Variants in LMBR1L observed in about 807,000 individuals in gnomAD.
LMBR1L encodes the protein protein LMBR1L.
A neutral mutation model predicts 67.3 loss-of-function variants in LMBR1L; 47 were observed. The ratio of observed to expected loss-of-function variants is 0.70; its 90% CI spans 0.55 to 0.89. The LOEUF (loss-of-function observed/expected upper bound fraction) is 0.89. Among genes scored for constraint, LMBR1L ranks in the 40% least tolerant of loss-of-function variants. The pLI, the probability that LMBR1L is intolerant of heterozygous loss-of-function variation, is 0.00. For synonymous variants in LMBR1L, 247 were observed against 250.3 expected (o/e 0.99, Z 0.13); for missense variants, 533 against 599.2 (o/e 0.89, Z 1.15).
rs138503101 is a variant in LMBR1L, at chr12:49,100,397, G to A, written c.1231C>T (p.Arg411Ter). 10 of 1,612,866 alleles carry A rather than the reference G, an allele frequency of 6.2e-6. No individual in the cohort carries two copies. Among genetic ancestry groups the A allele is most frequent in the East Asian group, 2.2e-5 (1 of 44,900 alleles). Residue 411 changes from arginine (R) to a stop codon, truncating the protein, a stop_gained, in exon 15 of 17, where the codon CGA becomes TGA. Transcript: ENST00000267102. LOFTEE classifies it high-confidence loss of function. ...VLSSALPVFS[R>*]TLGLTRFDLL... is the part of the protein sequence containing the mutation. ...TCCTTTCAATACTTACCCAGGGTTCGAGAGAAGACAGGAAGTGCTGAGCTT... is the reference window on the plus strand; with the variant it reads ...TCCTTTCAATACTTACCCAGGGTTCAAGAGAAGACAGGAAGTGCTGAGCTT...
chr12:49,102,809 T>G (rs1049889311), intron 8 of LMBR1L, 78 bp downstream of exon 8: 1 of 1,353,576 alleles, frequency 7.4e-7, no homozygotes, highest in Non-Finnish European at 1.1e-6. Context: ...TACACAACCA[T>G]AGGGTTGTTT....
At chr12:49,110,074 G>C in intron 1 of LMBR1L, 1 of 467,850 alleles carries the variant, frequency 2.1e-6, no homozygotes, top group South Asian at 1.5e-5. Flanking sequence ...CAAGCTCAGT[G>C]TGACGACGTC....
chr12:49,099,123 A>ATTTTT (rs35643504), intron 15 of LMBR1L, among the ~76,000 whole-genome samples: 104 of 101,960 alleles, frequency 1.0e-3, no homozygotes, highest in Non-Finnish European at 1.5e-3. Context: ...CTCACAGCTG[A>ATTTTT]TTTTTTTTTT....
intron 1 of LMBR1L, chr12:49,109,587 A>T (rs1941304173): frequency 2.4e-6 from 1 of 418,504 alleles, no homozygotes; most frequent in Non-Finnish European, 4.7e-6. Flanking sequence ...TTTCCAAACC[A>T]TTCCCTTTCC....
At position 49,101,459 on chromosome 12, in the gene LMBR1L, G is replaced by A. The variant is rs756278655; in HGVS notation, c.1008+13C>T. 5.0e-6 allele frequency: 8 copies of A among 1,613,526 alleles called. No individual in the cohort carries two copies. In the South Asian group the frequency reaches 8.8e-5, roughly 18 times the overall value. On this transcript the variant is annotated intron_variant, in intron 12 of 16. Transcript: ENST00000267102. ...CCCTCCCCAAAGGATATGGTGGGAG[G>A]GCAGCCTGGTACCTGCATGCCTCGG...
At position 49,102,918 on chromosome 12, in the gene LMBR1L, G is replaced by A. The variant is rs1940394219; in HGVS notation, c.665C>T (p.Ser222Phe). The change falls in exon 8 of 17, where the codon TCC becomes TTC. Residue 222 changes from serine (S) to phenylalanine (F), a missense_variant. Ser to Phe is a radical substitution (Grantham distance 155). This residue lies in a region of LMBR1L where 64 missense variants were observed against 109.0 expected (regional missense o/e 0.59). Coordinates refer to ENST00000267102, the MANE Select transcript of LMBR1L (RefSeq NM_018113.4). ...CTPLGLARMF[S>F]VTGKLLVKPR... ...CTTGACTAGCAGCTTCCCAGTGACG[G>A]AGAACATGCGGGCGAGACCCAGTGG... The A allele has an allele frequency of 1.2e-6, 2 of 1,614,016 alleles. No homozygotes were observed. The highest frequency in any genetic ancestry group is 1.7e-6 in the Non-Finnish European group (2 of 1,180,014).
At chr12:49,097,774 C>T (rs544069213) in intron 16 of LMBR1L, 35 bp from the exon 17 acceptor site, 1 of 1,613,590 alleles carries the variant, frequency 6.2e-7, no homozygotes, top group African/African-American at 1.3e-5. Context: ...AAAAGCAAGT[C>T]AAAGGTCCAG....
chr12:49,097,935 C>G lies in LMBR1L; in HGVS notation c.1402+9G>C. ...CCCCCCACTAGCCTGCACCCTCACT[C>G]CCTCTCACCAAAGGCCCGGATCAGC... On this transcript the variant is annotated intron_variant, in intron 16 of 16. Coordinates refer to ENST00000267102, the MANE Select transcript of LMBR1L (RefSeq NM_018113.4). The G allele has an allele frequency of 1.9e-6, 3 of 1,608,166 alleles. No individual in the cohort carries two copies. The highest frequency in any genetic ancestry group is 2.6e-6 in the Non-Finnish European group (3 of 1,175,338).
rs769427807 is a variant in LMBR1L, at chr12:49,102,255, G to C, written c.853+38C>G. ...TGGAACCAGGGGCTACTCTCCTTGG[G>C]GAAACCCAGGTATCCCAAGCCCTAC... On this transcript the variant is annotated intron_variant, in intron 10 of 16. Coordinates refer to ENST00000267102, the MANE Select transcript of LMBR1L (RefSeq NM_018113.4). 1.7e-5 allele frequency: 28 copies of C among 1,613,396 alleles called. No individual in the cohort carries two copies. The Middle Eastern group carries it at 9.9e-4, about 57-fold the overall frequency.
chr12:49,100,529 G>C, intron 14 of LMBR1L, 27 bp downstream of exon 14: 2 of 1,611,900 alleles, frequency 1.2e-6, no homozygotes, highest in South Asian at 1.1e-5. Context: ...CACCCCCCGG[G>C]AGCTTCCCTT....
At chr12:49,106,556 G>C (rs538161365) in intron 2 of LMBR1L, 5 of 1,311,872 alleles carry the variant, frequency 3.8e-6, no homozygotes, top group Admixed American at 4.6e-5. Context: ...AGGTTCCCCA[G>C]TCATCAGGGA....
At chr12:49,102,829 G>C (rs1228274763) in intron 8 of LMBR1L, 58 bp downstream of exon 8, 1 of 1,498,602 alleles carries the variant, frequency 6.7e-7, no homozygotes, top group Non-Finnish European at 9.3e-7. Context: ...TCATTGTTTG[G>C]TTCCAGCTCT....
rs1479927497 is a variant in LMBR1L, at chr12:49,102,327, C to T, written c.819G>A (p.Gln273=). Residue 273 remains glutamine (Q), a synonymous_variant, in exon 10 of 17, where the codon CAG becomes CAA. Coordinates refer to ENST00000267102, the MANE Select transcript of LMBR1L (RefSeq NM_018113.4). ...LPLDMELLHR[Q]VLALQTQRVL... ...CCCTCTGTGTCTGCAGAGCCAGGACCTGTCTGTGTAGCAGCTCCATGTCTA... is the reference window on the plus strand; with the variant it reads ...CCCTCTGTGTCTGCAGAGCCAGGACTTGTCTGTGTAGCAGCTCCATGTCTA... 15 of 1,614,234 alleles carry T rather than the reference C, an allele frequency of 9.3e-6. No homozygotes were observed. Among genetic ancestry groups the T allele is most frequent in the Non-Finnish European group, 1.3e-5 (15 of 1,180,040 alleles).
intron 4 of LMBR1L, 53 bp downstream of exon 4, chr12:49,104,693 A>G (rs184892759): frequency 3.2e-5 from 52 of 1,609,248 alleles, no homozygotes; most frequent in East Asian, 2.7e-4. Context: ...ACCCAACTCT[A>G]TCTGCTCTCT....
intron 11 of LMBR1L, 176 bp downstream of exon 11, chr12:49,101,944 G>A (rs1250555964): frequency 1.6e-6 from 1 of 607,934 alleles, no homozygotes; most frequent in African/African-American, 1.9e-5. Context: ...TCTACAAAAT[G>A]GGGATTGATG....
chr12:49,106,022 G>T, intron 2 of LMBR1L, 65 bp from the exon 3 acceptor site: 2 of 1,376,182 alleles, frequency 1.5e-6, no homozygotes, highest in Non-Finnish European at 1.0e-6. Context: ...GAGGCCGTTA[G>T]TATTACAATG....
intron 2 of LMBR1L, chr12:49,106,557 T>G (rs1337805534): frequency 7.6e-7 from 1 of 1,312,276 alleles, no homozygotes; most frequent in Non-Finnish European, 1.0e-6. Flanking sequence ...GGTTCCCCAG[T>G]CATCAGGGAG....
intron 11 of LMBR1L, 157 bp from the exon 12 acceptor site, chr12:49,101,706 CAG>C (rs1940213514): frequency 3.3e-6 from 2 of 612,810 alleles, no homozygotes; most frequent in African/African-American, 3.7e-5. Flanking sequence ...CTATTAGCAA[CAG>C]AGTGCCTTTG....
Position 49,102,149 on chromosome 12 carries a change from G to A in LMBR1L, c.901C>T (p.Leu301=). The change falls in exon 11 of 17, where the codon CTG becomes TTG. Residue 301 remains leucine (L), a synonymous_variant. Transcript: ENST00000267102. The part of the protein sequence containing the change: ...SAWQRNLGYP[L]AMLCLLVLTG... ...AGCACCAGCAAGCACAGCATAGCCA[G>A]GGGGTAGCCCAGGTTCCGTTGCCAG... is the stretch of plus-strand genomic sequence containing the variant. 1.2e-6 allele frequency: 2 copies of A among 1,614,128 alleles called. No homozygotes were observed. The highest frequency in any genetic ancestry group is 8.5e-7 in the Non-Finnish European group (1 of 1,180,004).
Sources: gnomAD v4.1 joint callset for allele counts (sites outside exome capture counted in the v4.1 genomes callset) on GRCh38, gnomAD v4.1.1 for gene constraint, gnomAD v4.1.1 regional missense constraint, MANE v1.5 for transcripts, NCBI Gene and HGNC (gene_info 2026-07-23, HGNC 2026-07-21) for gene names.